TBC1D14: variants seen among roughly 807,000 people sequenced by gnomAD.
TBC1D14 encodes TBC1 domain family, member 14.
A neutral mutation model predicts 79.0 loss-of-function variants in TBC1D14; 26 were observed. That is an observed-to-expected ratio of 0.33 (90% confidence interval 0.24 to 0.46). The LOEUF (loss-of-function observed/expected upper bound fraction) is 0.46, where lower values mean the gene tolerates loss of function less well. TBC1D14 is among the 20% of genes least tolerant of loss of function. TBC1D14 has a pLI of 1.00. For missense variants in TBC1D14, 769 were observed against 887.6 expected (o/e 0.87, Z 1.70); for synonymous variants, 394 against 349.9 (o/e 1.13, Z -1.40).
chr4:6,985,824 G>A (rs1235367797), intron 3 of TBC1D14, among the ~76,000 whole-genome samples: 1 of 152,126 alleles, frequency 6.6e-6, no homozygotes, highest in Non-Finnish European at 1.5e-5. Flanking sequence ...TTAACAAGGC[G>A]TTCGCTAATC....
intron 2 of TBC1D14, among the ~76,000 whole-genome samples, chr4:6,960,831 C>T (rs1715124412): frequency 1.3e-5 from 2 of 152,162 alleles, no homozygotes. Context: ...CCAGCCTAAT[C>T]GGGTGCACTG....
rs538413691 is a variant in TBC1D14, at chr4:7,005,018, G to A, written c.1351+94G>A. 6 of 1,172,080 alleles carry A rather than the reference G, an allele frequency of 5.1e-6. No individual in the cohort carries two copies. In the African/African-American group the frequency reaches 9.1e-5, roughly 18 times the overall value. 72.6% of individuals were successfully genotyped at this position (1,172,080 alleles called of 1,614,324 possible). A position where few individuals can be genotyped will look rare whatever the true frequency, so the allele number is the denominator to read the frequency against. On this transcript the variant is annotated intron_variant, in intron 8 of 13. Coordinates refer to ENST00000409757, the MANE Select transcript of TBC1D14 (RefSeq NM_020773.3). ...AAGAAAGTTGACGTTAACTACAGTA[G>A]AGATTGTTGTGGAGTCATAAAAAGC... is the stretch of plus-strand genomic sequence containing the variant.
intron 12 of TBC1D14, among the ~76,000 whole-genome samples, chr4:7,016,776 C>G (rs1232271790): frequency 6.6e-6 from 1 of 152,146 alleles, no homozygotes. Context: ...TCGTTGCCTT[C>G]GTGATCCACT....
chr4:6,928,387 T>G (rs4689055), intron 2 of TBC1D14, among the ~76,000 whole-genome samples: 2 of 152,032 alleles, frequency 1.3e-5, no homozygotes, highest in African/African-American at 4.8e-5. Flanking sequence ...CAGAGAAGAA[T>G]ATTGGTGGTT....
chr4:7,023,593 C>G (rs558507343), intron 12 of TBC1D14, among the ~76,000 whole-genome samples: 2 of 152,346 alleles, frequency 1.3e-5, no homozygotes, highest in African/African-American at 2.4e-5. Context: ...TAGAATCAAG[C>G]TTCCTACCAA....
chr4:6,941,432 G>T (rs535459779), intron 2 of TBC1D14, among the ~76,000 whole-genome samples: 101 of 152,254 alleles, frequency 6.6e-4, no homozygotes, highest in Admixed American at 2.6e-3. Flanking sequence ...GTGATTTGCC[G>T]TCTTGGCCAC....
intron 1 of TBC1D14, among the ~76,000 whole-genome samples, chr4:6,916,155 C>T (rs545778575): frequency 6.7e-6 from 1 of 148,288 alleles, no homozygotes; most frequent in Non-Finnish European, 1.5e-5. Flanking sequence ...GGATAAGAAT[C>T]CGGAAGTCAG....
intron 1 of TBC1D14, among the ~76,000 whole-genome samples, chr4:6,914,592 T>C (rs1723247814): frequency 6.6e-6 from 1 of 152,144 alleles, no homozygotes; most frequent in Non-Finnish European, 1.5e-5. Context: ...TTCAGCTCTT[T>C]GGGTGGTTGT....
At chr4:6,917,833 A>G (rs578078301) in intron 1 of TBC1D14, among the ~76,000 whole-genome samples, 1 of 152,342 alleles carries the variant, frequency 6.6e-6, no homozygotes, top group South Asian at 2.1e-4. Flanking sequence ...AAAGGGTATT[A>G]TCACGCGGTA....
At chr4:6,985,222 A>G (rs1166980605) in intron 3 of TBC1D14, among the ~76,000 whole-genome samples, 1 of 152,236 alleles carries the variant, frequency 6.6e-6, no homozygotes, top group Non-Finnish European at 1.5e-5. Flanking sequence ...CACACCCAGG[A>G]GAATGATGGG....
At position 7,025,307 on chromosome 4, in the gene TBC1D14, A is replaced by G. The variant is rs180907458; in HGVS notation, c.2016+45A>G. On this transcript the variant is annotated intron_variant, in intron 13 of 13. Coordinates refer to ENST00000409757, the MANE Select transcript of TBC1D14 (RefSeq NM_020773.3). The stretch of plus-strand genomic sequence containing the variant: ...TTGGCTTCCCACAGCGTAGCCGGCA[A>G]GTGGCGCGACTCAGGAAGGCCCCTA... The G allele has an allele frequency of 2.5e-6, 4 of 1,609,510 alleles. No individual in the cohort carries two copies. In the African/African-American group the frequency reaches 4.0e-5, roughly 16 times the overall value.
intron 12 of TBC1D14, among the ~76,000 whole-genome samples, chr4:7,016,382 C>T (rs1023082207): frequency 2.6e-5 from 4 of 152,328 alleles, no homozygotes; most frequent in Non-Finnish European, 5.9e-5. Context: ...GAACACAAAG[C>T]TCCTGCACAG....
chr4:6,998,167 C>T (rs1560327499), intron 5 of TBC1D14, among the ~76,000 whole-genome samples: 3 of 152,108 alleles, frequency 2.0e-5, no homozygotes, highest in Admixed American at 2.0e-4. Flanking sequence ...TGAGACCAGC[C>T]TGGCCAACAT....
At chr4:7,028,843 C>T (rs1182224301) in intron 13 of TBC1D14, among the ~76,000 whole-genome samples, 1 of 145,996 alleles carries the variant, frequency 6.8e-6, no homozygotes, top group Non-Finnish European at 1.5e-5. Flanking sequence ...CTTTTTCCTT[C>T]TTTTTTTTTT....
intron 1 of TBC1D14, among the ~76,000 whole-genome samples, chr4:6,921,179 T>C (rs1723825002): frequency 6.6e-6 from 1 of 152,124 alleles, no homozygotes; most frequent in South Asian, 2.1e-4. Context: ...CCCTTCCTCA[T>C]TTGTCTTAGG....
chr4:6,955,422 G>A (rs1024158753), intron 2 of TBC1D14, among the ~76,000 whole-genome samples: 3 of 152,220 alleles, frequency 2.0e-5, no homozygotes, highest in African/African-American at 7.2e-5. Flanking sequence ...AGGGTCATGG[G>A]AGGAGGATGT....
At chr4:6,947,165 A>G (rs1056684918) in intron 2 of TBC1D14, among the ~76,000 whole-genome samples, 1 of 151,670 alleles carries the variant, frequency 6.6e-6, no homozygotes, top group Non-Finnish European at 1.5e-5. Flanking sequence ...GTTCAAGACC[A>G]GCCTGGCCAA....
intron 1 of TBC1D14, among the ~76,000 whole-genome samples, chr4:6,912,719 A>G (rs1452672710): frequency 1.6e-4 from 24 of 152,132 alleles, no homozygotes; most frequent in Admixed American, 1.4e-3. Context: ...ACCAGCCAAC[A>G]TTTTCCAGGG....
At chr4:7,001,310 C>T (rs924309661) in intron 7 of TBC1D14, 59 bp downstream of exon 7, 81 of 1,412,100 alleles carry the variant, frequency 5.7e-5, no homozygotes, top group Non-Finnish European at 7.1e-5. Context: ...TTCTTCTCTC[C>T]CTTTTGCCCT....
Sources: allele counts gnomAD v4.1 joint callset (sites outside exome capture counted in the v4.1 genomes callset), GRCh38; gene constraint gnomAD v4.1.1; transcripts MANE v1.5; gene names NCBI Gene and HGNC (gene_info 2026-07-23, HGNC 2026-07-21).